The following CRPPA variants were observed in gnomAD, a reference collection of about 807,000 sequenced individuals.
CRPPA encodes the protein D-ribitol-5-phosphate cytidylyltransferase.
In CRPPA, 43 loss-of-function variants were observed where a neutral mutation model predicts 52.0. The observed-to-expected ratio is 0.83, with a 90% CI of 0.65 to 1.07. The LOEUF (loss-of-function observed/expected upper bound fraction) is 1.07, where lower values mean the gene tolerates loss of function less well. Among genes scored for constraint, CRPPA ranks in the 50% least tolerant of loss-of-function variants. The pLI, the probability that CRPPA is intolerant of heterozygous loss-of-function variation, is 0.00. For synonymous variants in CRPPA, 250 were observed against 203.5 expected (o/e 1.23, Z -1.94); for missense variants, 629 against 551.7 (o/e 1.14, Z -1.40).
At chr7:16,175,889 T>C (rs28444888) in intron 9 of CRPPA, among the ~76,000 whole-genome samples, 5,230 of 152,212 alleles carry the variant, frequency 0.034, 298 homozygotes, top group African/African-American at 0.12. Context: ...TTAAACTGTA[T>C]AAATGTCTCT....
rs199687375 is a variant in CRPPA at position 16,322,202 on chromosome 7, A to T, written c.685-13575T>A. 1.7e-4 allele frequency among the ~76,000 whole-genome samples: 26 copies of T among 152,294 alleles called. No homozygotes were observed. The East Asian group carries it at 5.0e-3, about 29-fold the overall frequency. ...CTAATATACGTAATATTGGCTTTGG[A>T]AGCTGGCACCAGGAGGCAAAGAAAT... On this transcript the variant is annotated intron_variant, in intron 3 of 9. Transcript: ENST00000407010.
intron 9 of CRPPA, among the ~76,000 whole-genome samples, chr7:16,173,479 A>C (rs1781235059): frequency 6.6e-6 from 1 of 152,184 alleles, no homozygotes; most frequent in African/African-American, 2.4e-5. Flanking sequence ...AACATATGGA[A>C]CATGTTGAAG....
At chr7:16,178,139 T>C (rs1015949446) in intron 9 of CRPPA, among the ~76,000 whole-genome samples, 2 of 151,904 alleles carry the variant, frequency 1.3e-5, no homozygotes, top group Admixed American at 6.6e-5. Context: ...AACTACGTGG[T>C]CTTTTCCTGA....
At chr7:16,174,552 G>T (rs75900969) in intron 9 of CRPPA, among the ~76,000 whole-genome samples, 1 of 151,928 alleles carries the variant, frequency 6.6e-6, no homozygotes, top group African/African-American at 2.4e-5. Flanking sequence ...ATTAATAGTC[G>T]CTGGTCTTTT....
chr7:16,282,787 G>C (rs1471993083), intron 5 of CRPPA, among the ~76,000 whole-genome samples: 1 of 151,920 alleles, frequency 6.6e-6, no homozygotes, highest in Non-Finnish European at 1.5e-5. Context: ...TATTGTGTTG[G>C]TTTCTATATT....
intron 9 of CRPPA, among the ~76,000 whole-genome samples, chr7:16,163,857 G>A (rs111291000): frequency 6.6e-6 from 1 of 152,148 alleles, no homozygotes; most frequent in African/African-American, 2.4e-5. Flanking sequence ...ACTCTCTTCT[G>A]GCTTGTAGAG....
intron 1 of CRPPA, among the ~76,000 whole-genome samples, chr7:16,412,521 G>C (rs934822148): frequency 3.3e-5 from 5 of 152,186 alleles, no homozygotes; most frequent in African/African-American, 9.6e-5. Context: ...CAGCAACCAA[G>C]CATACACCCA....
intron 6 of CRPPA, among the ~76,000 whole-genome samples, chr7:16,263,757 A>T (rs1229801751): frequency 1.3e-5 from 1 of 79,420 alleles, no homozygotes; most frequent in African/African-American, 3.4e-5. Flanking sequence ...ATTTCAAAAT[A>T]AAAAAAAAAA....
chr7:16,363,215 T>C (rs1786503630), intron 3 of CRPPA, among the ~76,000 whole-genome samples: 1 of 152,180 alleles, frequency 6.6e-6, no homozygotes, highest in Non-Finnish European at 1.5e-5. Context: ...GATATGACTA[T>C]ATCTTAAAAA....
intron 9 of CRPPA, among the ~76,000 whole-genome samples, chr7:16,110,326 T>C (rs1049227401): frequency 2.0e-5 from 3 of 152,112 alleles, no homozygotes; most frequent in African/African-American, 7.2e-5. Context: ...GAAGAATTAG[T>C]ATTGTTAAAA....
intron 9 of CRPPA, among the ~76,000 whole-genome samples, chr7:16,157,590 A>G (rs780882203): frequency 6.6e-6 from 1 of 152,156 alleles, no homozygotes; most frequent in African/African-American, 2.4e-5. Flanking sequence ...TATGTTTAAA[A>G]GCTAAGAAAA....
At chr7:16,249,813 T>G (rs909712494) in intron 8 of CRPPA, among the ~76,000 whole-genome samples, 3 of 152,220 alleles carry the variant, frequency 2.0e-5, no homozygotes, top group African/African-American at 7.2e-5. Context: ...AAAACCAGAA[T>G]GCCTCTTCTC....
intron 8 of CRPPA, among the ~76,000 whole-genome samples, chr7:16,224,223 G>T (rs758980580): frequency 1.3e-4 from 20 of 151,018 alleles, no homozygotes; most frequent in Non-Finnish European, 2.5e-4. Flanking sequence ...TGTTTGTCTA[G>T]AATTCATTTA....
chr7:16,406,415 G>A lies in CRPPA; in HGVS notation c.258-78C>T, dbSNP rs996903161. On this transcript the variant is annotated intron_variant, in intron 1 of 9. Transcript: ENST00000407010. ...TGAGTAACAGAAAATTGAATCACTAGTATTGGTATATTTAAATAGGGAGAT... is the reference window on the plus strand; with the variant it reads ...TGAGTAACAGAAAATTGAATCACTAATATTGGTATATTTAAATAGGGAGAT... 1.5e-5 allele frequency: 18 copies of A among 1,233,838 alleles called. No individual in the cohort carries two copies. The Admixed American group carries it at 3.9e-4, about 27-fold the overall frequency. The allele number at this position is 1,233,838 out of a possible 1,614,324, so 76.4% of individuals were successfully genotyped here. A position where few individuals can be genotyped will look rare whatever the true frequency, so the allele number is the denominator to read the frequency against.
intron 9 of CRPPA, among the ~76,000 whole-genome samples, chr7:16,107,299 G>C (rs1333349170): frequency 6.6e-6 from 1 of 152,106 alleles, no homozygotes; most frequent in African/African-American, 2.4e-5. Context: ...ATGCAACCCA[G>C]AAAGAAGTTC....
At chr7:16,181,751 A>C (rs1250071903) in intron 9 of CRPPA, among the ~76,000 whole-genome samples, 2 of 152,006 alleles carry the variant, frequency 1.3e-5, no homozygotes, top group African/African-American at 4.8e-5. Flanking sequence ...TTCTCTCCAC[A>C]TATATAACAG....
intron 9 of CRPPA, among the ~76,000 whole-genome samples, chr7:16,173,345 T>C (rs1781232892): frequency 2.0e-5 from 3 of 152,194 alleles, no homozygotes; most frequent in Admixed American, 2.0e-4. Flanking sequence ...ACAATCACTA[T>C]ACTTAATAAT....
chr7:16,104,864 C>T (rs1003998144), intron 9 of CRPPA, among the ~76,000 whole-genome samples: 3 of 150,060 alleles, frequency 2.0e-5, no homozygotes, highest in African/African-American at 7.4e-5. Flanking sequence ...CACGCCACTG[C>T]ACTCCAGCCT....
chr7:16,230,611 T>C (rs1404336209), intron 8 of CRPPA, among the ~76,000 whole-genome samples: 1 of 152,208 alleles, frequency 6.6e-6, no homozygotes, highest in East Asian at 1.9e-4. Context: ...TTTGAATTCT[T>C]TGTCAGAAAG....
Sources: gnomAD v4.1 joint callset for allele counts (sites outside exome capture counted in the v4.1 genomes callset) on GRCh38, gnomAD v4.1.1 for gene constraint, MANE v1.5 for transcripts, NCBI Gene and HGNC (gene_info 2026-07-23, HGNC 2026-07-21) for gene names.